STK24: variants seen among roughly 807,000 people sequenced by gnomAD.
STK24 encodes serine/threonine kinase 24, also known as serine/threonine-protein kinase 24.
Under a neutral mutation model 55.6 loss-of-function variants are expected in STK24, and 21 were observed. That is an observed-to-expected ratio of 0.38 (90% confidence interval 0.27 to 0.54). The LOEUF (loss-of-function observed/expected upper bound fraction) is 0.54. Ranked by LOEUF, STK24 falls within the 20% of genes least tolerant of loss-of-function variation. STK24 has a pLI of 0.79. For synonymous variants in STK24, 200 were observed against 215.2 expected, an observed-to-expected ratio of 0.93 and a Z score of 0.62; for missense variants, 383 against 538.4, an observed-to-expected ratio of 0.71 and a Z score of 2.86.
At chr13:98,556,198 C>T (rs9517348) in intron 1 of STK24, among the ~76,000 whole-genome samples, 25,315 of 152,186 alleles carry the variant, frequency 0.17, 2,169 homozygotes, top group African/African-American at 0.18. Context: ...ATGGATTGGC[C>T]AGAGCCCCAC....
At position 98,488,126 on chromosome 13, in the gene STK24, A is replaced by G. The variant is rs1366715616; in HGVS notation, c.274-5805T>C. Reference sequence around the variant, plus strand: ...AATGAGCTCATTAGGGTGGGCCCTGATCCAATACGGCTGGTGTCATAAAAA... The same window carrying G: ...AATGAGCTCATTAGGGTGGGCCCTGGTCCAATACGGCTGGTGTCATAAAAA... On this transcript the variant is annotated intron_variant, in intron 2 of 10. Transcript: ENST00000539966. Among the ~76,000 whole-genome samples the G allele has an allele frequency of 2.7e-5, 4 of 150,410 alleles. No homozygotes were observed. The Admixed American group carries it at 2.7e-4, about 10-fold the overall frequency.
At chr13:98,482,913 AG>A (rs1323043120) in intron 2 of STK24, among the ~76,000 whole-genome samples, 4 of 152,206 alleles carry the variant, frequency 2.6e-5, no homozygotes, top group Admixed American at 2.6e-4. Context: ...GTCTCCCCTC[AG>A]GGAGCTTTCC....
At chr13:98,499,937 C>G (rs780510400) in intron 2 of STK24, among the ~76,000 whole-genome samples, 1 of 152,110 alleles carries the variant, frequency 6.6e-6, no homozygotes. Flanking sequence ...TAATCAGAAC[C>G]CTTTAATCCC....
At position 98,463,973 on chromosome 13, in the gene STK24, C is replaced by T. The variant is rs929476126; in HGVS notation, c.784-137G>A. The T allele has an allele frequency of 4.0e-6, 4 of 991,542 alleles. No individual in the cohort carries two copies. In the African/African-American group the frequency reaches 4.9e-5, roughly 12 times the overall value. The allele number at this position is 991,542 out of a possible 1,614,324, so 61.4% of individuals were successfully genotyped here. A position where few individuals can be genotyped will look rare whatever the true frequency, so the allele number is the denominator to read the frequency against. On this transcript the variant is annotated intron_variant, in intron 6 of 10. Coordinates refer to ENST00000539966, the MANE Select transcript of STK24 (RefSeq NM_001032296.4). ...ACTCTCTACTCCACAGCGCTTCTCA[C>T]TGCAACTCACCCAAAGACGAGTCGC...
chr13:98,517,044 C>T (rs59506721), intron 2 of STK24, among the ~76,000 whole-genome samples: 6,615 of 152,256 alleles, frequency 0.043, 459 homozygotes, highest in African/African-American at 0.15. Context: ...CAGTAAAGAT[C>T]GTGCTAAGGA....
At chr13:98,521,949 C>A (rs1896276072) in intron 1 of STK24, 1 of 1,300,840 alleles carries the variant, frequency 7.7e-7, no homozygotes, top group South Asian at 1.3e-5. Context: ...TGGCAACATG[C>A]TCCAGTTTCT....
intron 1 of STK24, among the ~76,000 whole-genome samples, chr13:98,557,093 T>C (rs1302142646): frequency 6.6e-6 from 1 of 152,190 alleles, no homozygotes; most frequent in Non-Finnish European, 1.5e-5. Context: ...GAACCTGCTT[T>C]GCCTAGCAGG....
chr13:98,552,850 G>A (rs1452016912), intron 1 of STK24, among the ~76,000 whole-genome samples: 1 of 152,138 alleles, frequency 6.6e-6, no homozygotes, highest in Non-Finnish European at 1.5e-5. Context: ...TGATTTCCAG[G>A]CAGTGGAACT....
chr13:98,521,789 G>A (rs1357065848), intron 1 of STK24: 1 of 781,116 alleles, frequency 1.3e-6, no homozygotes, highest in Admixed American at 1.7e-5. Context: ...CTCCCTCCAG[G>A]ATGAGGTAGA....
chr13:98,486,204 T>TA lies in STK24; in HGVS notation c.274-3884dup, dbSNP rs5806065. ...CATGTACCCCAGAACTTAAAAGTAT[T>TA]AAAAAAAAAAAAAAGAAAGAAAAAG... On this transcript the variant is annotated intron_variant, in intron 2 of 10. Coordinates refer to ENST00000539966, the MANE Select transcript of STK24 (RefSeq NM_001032296.4). Among the ~76,000 whole-genome samples the TA allele has an allele frequency of 3.2e-3, 475 of 146,194 alleles. 3 individuals are homozygous for TA. The highest frequency in any genetic ancestry group is 6.8e-3 in the African/African-American group (266 of 39,318).
At chr13:98,453,363 A>G (rs1893291839) in intron 10 of STK24, 154 bp from the exon 11 acceptor site, 1 of 739,024 alleles carries the variant, frequency 1.4e-6, no homozygotes, top group Non-Finnish European at 2.2e-6. Context: ...TAATTTTAAA[A>G]GAATGCATAT....
chr13:98,546,034 C>T (rs9517341), intron 1 of STK24, among the ~76,000 whole-genome samples: 27,662 of 152,162 alleles, frequency 0.18, 2,604 homozygotes, highest in South Asian at 0.25. Context: ...TCTTAAAGTC[C>T]TTGTCATTCT....
At chr13:98,531,379 A>C (rs1594645389) in intron 1 of STK24, among the ~76,000 whole-genome samples, 1 of 152,210 alleles carries the variant, frequency 6.6e-6, no homozygotes, top group East Asian at 1.9e-4. Context: ...TTTTGTGGGC[A>C]GTTTTCCCGC....
intron 1 of STK24, among the ~76,000 whole-genome samples, chr13:98,564,030 G>A (rs551673282): frequency 1.3e-5 from 2 of 152,142 alleles, no homozygotes; most frequent in South Asian, 2.1e-4. Context: ...AATAACAGAC[G>A]ACATTATTAA....
chr13:98,463,597 A>C (rs75981289), intron 7 of STK24, 94 bp downstream of exon 7: 1 of 1,419,918 alleles, frequency 7.0e-7, no homozygotes, highest in African/African-American at 1.4e-5. Context: ...AAAAAAAAAA[A>C]AACTCAACAG....
At chr13:98,466,641 A>G in intron 5 of STK24, 80 bp from the exon 6 acceptor site, 2 of 1,448,528 alleles carry the variant, frequency 1.4e-6, no homozygotes, top group Non-Finnish European at 1.9e-6. Context: ...AAATGGTAAC[A>G]TGTCTCAATA....
At chr13:98,525,690 A>G (rs1433151831) in intron 1 of STK24, among the ~76,000 whole-genome samples, 2 of 152,078 alleles carry the variant, frequency 1.3e-5, no homozygotes, top group African/African-American at 4.8e-5. Context: ...GAGCTCACCG[A>G]GCCTCGAGCC....
intron 2 of STK24, among the ~76,000 whole-genome samples, chr13:98,485,852 C>G (rs1022187674): frequency 3.0e-4 from 46 of 152,238 alleles, no homozygotes; most frequent in Admixed American, 5.2e-4. Flanking sequence ...CAGGCAGCAG[C>G]TGCACCACCG....
At position 98,563,617 on chromosome 13, in the gene STK24, G is replaced by C. The variant is rs1467354056; in HGVS notation, c.42+13128C>G. 2.6e-5 allele frequency among the ~76,000 whole-genome samples: 4 copies of C among 152,230 alleles called. No individual in the cohort carries two copies. In the East Asian group the frequency reaches 7.7e-4, roughly 29 times the overall value. On this transcript the variant is annotated intron_variant, in intron 1 of 10. Transcript: ENST00000539966. ...CTCACGCCTGTAATCCCAACATTTT[G>C]GGAGGCTGAGGTGGGCGGATCACGA...
Sources: allele counts gnomAD v4.1 joint callset (sites outside exome capture counted in the v4.1 genomes callset), GRCh38; gene constraint gnomAD v4.1.1; transcripts MANE v1.5; gene names NCBI Gene and HGNC (gene_info 2026-07-23, HGNC 2026-07-21).